RTN2: variants seen among roughly 807,000 people sequenced by gnomAD.
RTN2 encodes the protein reticulon-2.
A neutral mutation model predicts 63.7 loss-of-function variants in RTN2; 36 were observed. That is an observed-to-expected ratio of 0.56 (90% confidence interval 0.43 to 0.75). RTN2 has a LOEUF of 0.75. Among genes scored for constraint, RTN2 ranks in the 30% least tolerant of loss-of-function variants. The pLI is 0.00. For missense variants in RTN2, 673 were observed against 705.1 expected, an observed-to-expected ratio of 0.95 and a Z score of 0.52; for synonymous variants, 312 against 313.0, an observed-to-expected ratio of 1.00 and a Z score of 0.03.
intron 5 of RTN2, among the ~76,000 whole-genome samples, chr19:45,491,031 C>A (rs1264416825): frequency 6.6e-6 from 1 of 151,676 alleles, no homozygotes; most frequent in Non-Finnish European, 1.5e-5. Context: ...GGATTACAGG[C>A]ATGTGCCATC....
chr19:45,485,420 C>T lies in RTN2; in HGVS notation c.*288G>A. The T allele has an allele frequency of 2.3e-6, 1 of 433,530 alleles. No homozygotes were observed. The highest frequency in any genetic ancestry group is 4.2e-6 in the Non-Finnish European group (1 of 237,858). The allele number at this position is 433,530 out of a possible 1,614,324, so 26.9% of individuals were successfully genotyped here. A position where few individuals can be genotyped will look rare whatever the true frequency, so the allele number is the denominator to read the frequency against. On this transcript the variant is annotated 3_prime_UTR_variant, in exon 11 of 11. Coordinates refer to ENST00000245923, the MANE Select transcript of RTN2 (RefSeq NM_005619.5). ...CAACGCCTCACGGCGCCTCCAGCGG[C>T]GGGTCCGGAAGTGCAGGGTGGTGCC...
intron 4 of RTN2, 33 bp from the exon 5 acceptor site, chr19:45,493,411 G>T (rs1270548723): frequency 1.9e-5 from 29 of 1,532,054 alleles, no homozygotes; most frequent in East Asian, 6.8e-5. Context: ...AGTAAGGCTG[G>T]GTCATTTTAC....
At chr19:45,488,782 C>T (rs534927166) in intron 7 of RTN2, 66 bp downstream of exon 7, 29 of 1,592,926 alleles carry the variant, frequency 1.8e-5, no homozygotes, top group Non-Finnish European at 2.4e-5. Flanking sequence ...AACAGTCGCC[C>T]TCCCACCCCC....
rs765475323 is a variant in RTN2, at chr19:45,494,712, C to G, written c.373G>C (p.Gly125Arg). Reference sequence around the variant, plus strand: ...GATGGAGGCGCGGTGTCAGGATCACCCCGTCGTCCAGGCTCCGGGGATTGG... The same window carrying G: ...GATGGAGGCGCGGTGTCAGGATCACGCCGTCGTCCAGGCTCCGGGGATTGG... Reference protein sequence around the residue: ...LSQSPEPGRRGDPDTAPPSER... With the variant: ...LSQSPEPGRRRDPDTAPPSER... Residue 125 changes from glycine (G) to arginine (R), a missense_variant, in exon 3 of 11, where the codon GGT (glycine) becomes CGT (arginine). Transcript: ENST00000245923. The surrounding 1 kb of genome is among the most constrained non-coding windows in gnomAD (Gnocchi z 5.3). 3 of 1,613,048 alleles carry G rather than the reference C, an allele frequency of 1.9e-6. No individual in the cohort carries two copies. In the African/African-American group the frequency reaches 4.0e-5, roughly 22 times the overall value.
rs886054502 is a variant in RTN2 at position 45,485,491 on chromosome 19, C to T, written c.*217G>A. On this transcript the variant is annotated 3_prime_UTR_variant, in exon 11 of 11. Coordinates refer to ENST00000245923, the MANE Select transcript of RTN2 (RefSeq NM_005619.5). ...CCCAGCAGGCCCCGCGGCCAAGGTG[C>T]CTCGTCTTTCCTGGACTCCTGGAGC... 72 of 566,486 alleles carry T rather than the reference C, an allele frequency of 1.3e-4. No homozygotes were observed. Among genetic ancestry groups the T allele is most frequent in the Non-Finnish European group, 1.1e-4 (36 of 315,618 alleles). The allele number at this position is 566,486 out of a possible 1,614,324, so 35.1% of individuals were successfully genotyped here.
chr19:45,489,335 G>A lies in RTN2; in HGVS notation c.1241+11C>T, dbSNP rs1330053400. On this transcript the variant is annotated intron_variant, in intron 6 of 10. Coordinates refer to ENST00000245923, the MANE Select transcript of RTN2 (RefSeq NM_005619.5). ...GGACAGGGGCTCAGGTCAGGGGCCG[G>A]GGGTTCTCACTGGAAAGGGTTGGCT... 1.3e-6 allele frequency: 2 copies of A among 1,553,932 alleles called. No homozygotes were observed. The highest frequency in any genetic ancestry group is 8.7e-7 in the Non-Finnish European group (1 of 1,149,080).
At chr19:45,496,663 G>A in intron 1 of RTN2, 129 bp downstream of exon 1, 2 of 547,532 alleles carry the variant, frequency 3.7e-6, no homozygotes, top group East Asian at 3.6e-5. Flanking sequence ...GGAGGGGAGA[G>A]CTTCCTTTGT....
At chr19:45,488,417 G>A in intron 9 of RTN2, 54 bp downstream of exon 9, 2 of 1,582,364 alleles carry the variant, frequency 1.3e-6, no homozygotes, top group Non-Finnish European at 1.7e-6. Context: ...GGAAGGAGAT[G>A]GTCAGACCCC....
intron 5 of RTN2, among the ~76,000 whole-genome samples, chr19:45,491,919 G>A (rs1280593019): frequency 1.3e-5 from 2 of 151,844 alleles, no homozygotes; most frequent in African/African-American, 2.4e-5. Context: ...ATGAGCCACC[G>A]CGCTCGGTCA....
intron 5 of RTN2, among the ~76,000 whole-genome samples, chr19:45,492,894 C>G (rs904980392): frequency 4.6e-5 from 7 of 152,018 alleles, no homozygotes; most frequent in African/African-American, 7.2e-5. Context: ...GCCCGTCTGG[C>G]CCCTGAGTGA....
intron 5 of RTN2, among the ~76,000 whole-genome samples, 193 bp downstream of exon 5, chr19:45,492,967 T>G (rs111919283): frequency 2.0e-5 from 3 of 152,216 alleles, no homozygotes; most frequent in Non-Finnish European, 4.4e-5. Context: ...CCCAAAGTGC[T>G]GGCTCGAAGG....
chr19:45,488,843 G>T lies in RTN2; in HGVS notation c.1380+5C>A. On this transcript the variant is annotated splice_donor_5th_base_variant and intron_variant, in intron 7 of 10. Coordinates refer to ENST00000245923, the MANE Select transcript of RTN2 (RefSeq NM_005619.5). ...ACCCAGGAGGGGCTGAGAGCTCCAG[G>T]CCACCTTGAGGGAATCCACGAGGTC... is the stretch of plus-strand genomic sequence containing the variant. 1 of 1,601,452 alleles carries T rather than the reference G, an allele frequency of 6.2e-7. No homozygotes were observed.
At chr19:45,488,803 G>T in intron 7 of RTN2, 45 bp downstream of exon 7, 1 of 1,596,218 alleles carries the variant, frequency 6.3e-7, no homozygotes. Flanking sequence ...TAGCCATGCA[G>T]AGGTGAATGG....
intron 6 of RTN2, 77 bp from the exon 7 acceptor site, chr19:45,489,063 A>G: frequency 6.6e-7 from 1 of 1,513,014 alleles, no homozygotes; most frequent in South Asian, 1.2e-5. Context: ...GAAACAAGGG[A>G]GAGGAATGGC....
chr19:45,492,780 CT>C (rs962293396), intron 5 of RTN2, among the ~76,000 whole-genome samples: 2 of 152,212 alleles, frequency 1.3e-5, no homozygotes, highest in African/African-American at 4.8e-5. Flanking sequence ...CCCAGGCAGG[CT>C]CCTAGTGGCC....
chr19:45,489,057 C>A (rs1315424724), intron 6 of RTN2, 71 bp from the exon 7 acceptor site: 4 of 1,538,090 alleles, frequency 2.6e-6, no homozygotes, highest in Admixed American at 1.9e-5. Flanking sequence ...GCAGCTGAAA[C>A]AAGGGAGAGG....
intron 5 of RTN2, among the ~76,000 whole-genome samples, chr19:45,490,256 TC>T (rs1389727480): frequency 6.6e-6 from 1 of 152,014 alleles, no homozygotes; most frequent in Non-Finnish European, 1.5e-5. Context: ...CGCCTTGGCC[TC>T]CCAAAGTGCT....
In RTN2 at chr19:45,489,378, G is replaced by A. The variant is rs140427245; in HGVS notation, c.1209C>T (p.Ala403=). The A allele has an allele frequency of 3.7e-5, 59 of 1,582,678 alleles. No individual in the cohort carries two copies. The highest frequency in any genetic ancestry group is 4.7e-5 in the Non-Finnish European group (55 of 1,165,112). Residue 403 remains alanine, a synonymous_variant, in exon 6 of 11, where the codon GCC becomes GCT. Transcript: ENST00000245923. ...GGTTGGCTCCATCCCCCCGGTGCAC[G>A]GCCTGCAGCACTTTGCGGTAAACCC... ...SLRVYRKVLQ[A]VHRGDGANPF... is the part of the protein sequence containing the mutation.
intron 1 of RTN2, among the ~76,000 whole-genome samples, chr19:45,496,269 G>C (rs1340968321): frequency 6.6e-6 from 1 of 152,232 alleles, no homozygotes; most frequent in Non-Finnish European, 1.5e-5. Context: ...TTAACCAGTG[G>C]TAAAGACCGC....
Sources: allele counts gnomAD v4.1 joint callset (sites outside exome capture counted in the v4.1 genomes callset), GRCh38; gene constraint gnomAD v4.1.1; non-coding constraint Gnocchi (gnomAD v3.1); transcripts MANE v1.5; gene names NCBI Gene and HGNC (gene_info 2026-07-23, HGNC 2026-07-21).